Variants in AHCYL2 observed in about 807,000 individuals in gnomAD.
AHCYL2 encodes the protein adenosylhomocysteinase like 2, also known as S-adenosylhomocysteine hydrolase-like protein 2.
AHCYL2 carries 28 observed loss-of-function variants against 81.4 expected under a neutral mutation model. That is an observed-to-expected ratio of 0.34 (90% CI 0.25 to 0.47). The LOEUF (loss-of-function observed/expected upper bound fraction) is 0.47, where lower values mean the gene tolerates loss of function less well. Among genes scored for constraint, AHCYL2 ranks in the 20% least tolerant of loss-of-function variants. The pLI is 1.00. For synonymous variants in AHCYL2, 272 were observed against 290.2 expected, an observed-to-expected ratio of 0.94 and a Z score of 0.64; for missense variants, 551 against 785.1, an observed-to-expected ratio of 0.70 and a Z score of 3.56.
intron 1 of AHCYL2, among the ~76,000 whole-genome samples, chr7:129,289,076 C>T (rs1425077710): frequency 6.6e-6 from 1 of 151,882 alleles, no homozygotes; most frequent in East Asian, 1.9e-4. Flanking sequence ...GCCACCACAA[C>T]GGGCCTATTT....
At chr7:129,248,258 C>A (rs1239646973) in intron 1 of AHCYL2, among the ~76,000 whole-genome samples, 3 of 152,188 alleles carry the variant, frequency 2.0e-5, no homozygotes, top group African/African-American at 7.2e-5. Flanking sequence ...ATTGTAAGTA[C>A]AGTTATCCCT....
chr7:129,381,674 C>A (rs896994549), intron 2 of AHCYL2, among the ~76,000 whole-genome samples: 7 of 152,118 alleles, frequency 4.6e-5, no homozygotes, highest in Non-Finnish European at 1.0e-4. Context: ...CTGATAAGTT[C>A]TTATATAATC....
rs1283251472 is a variant in AHCYL2 at position 129,428,339 on chromosome 7, A to G, written c.*1294A>G. The G allele has an allele frequency of 6.7e-6, 1 of 149,852 alleles. No homozygotes were observed. The highest frequency in any genetic ancestry group is 1.5e-5 in the Non-Finnish European group (1 of 68,020). The allele number at this position is 149,852 out of a possible 1,614,324, so 9.3% of individuals were successfully genotyped here. On this transcript the variant is annotated 3_prime_UTR_variant, in exon 17 of 17. Coordinates refer to ENST00000325006, the MANE Select transcript of AHCYL2 (RefSeq NM_015328.4). ...TTTCTTGAGTAACTCCAGTGCTACA[A>G]AAAGAATTAGTAATGTGGTGTGGGC...
At chr7:129,340,558 A>G (rs1282051544) in intron 1 of AHCYL2, among the ~76,000 whole-genome samples, 2 of 143,280 alleles carry the variant, frequency 1.4e-5, no homozygotes, top group Non-Finnish European at 1.5e-5. Context: ...ACAGAGCGAG[A>G]CTCCGTCTCA....
At chr7:129,367,523 A>T (rs1009794719) in intron 1 of AHCYL2, among the ~76,000 whole-genome samples, 1 of 152,196 alleles carries the variant, frequency 6.6e-6, no homozygotes, top group African/African-American at 2.4e-5. Flanking sequence ...CTTTAAGGTG[A>T]TAGTGTACAG....
chr7:129,314,920 T>C (rs1417613738), intron 1 of AHCYL2, among the ~76,000 whole-genome samples: 1 of 152,218 alleles, frequency 6.6e-6, no homozygotes, highest in Non-Finnish European at 1.5e-5. Flanking sequence ...CTGCTTTTTT[T>C]AGCTTTATCT....
rs1025970183 is a variant in AHCYL2 at position 129,336,805 on chromosome 7, G to C, written c.364-42833G>C. On this transcript the variant is annotated intron_variant, in intron 1 of 16. Coordinates refer to ENST00000325006, the MANE Select transcript of AHCYL2 (RefSeq NM_015328.4). The stretch of plus-strand genomic sequence containing the variant: ...ACTGTCACCCAGGCTGGAGTGCAGT[G>C]GCACGATCACAGCTCACTGTAGCCG... Among the ~76,000 whole-genome samples, 32 of 152,208 alleles carry C rather than the reference G, an allele frequency of 2.1e-4. 1 individual carries two copies. Among genetic ancestry groups the C allele is most frequent in the African/African-American group, 6.7e-4 (28 of 41,532 alleles).
intron 1 of AHCYL2, among the ~76,000 whole-genome samples, chr7:129,321,766 G>GTTTT (rs1315391980): frequency 1.4e-4 from 15 of 107,460 alleles, no homozygotes; most frequent in South Asian, 3.2e-4. Context: ...TTTTTTTTTG[G>GTTTT]TCTTGGTTTT....
intron 1 of AHCYL2, among the ~76,000 whole-genome samples, chr7:129,232,290 T>C (rs1285742953): frequency 6.6e-6 from 1 of 152,238 alleles, no homozygotes; most frequent in Non-Finnish European, 1.5e-5. Context: ...CTTTATCAGA[T>C]GTGTAGTACT....
At chr7:129,372,916 G>T (rs1345048808) in intron 1 of AHCYL2, among the ~76,000 whole-genome samples, 1 of 152,122 alleles carries the variant, frequency 6.6e-6, no homozygotes, top group Non-Finnish European at 1.5e-5. Flanking sequence ...CATGGTTATA[G>T]CCATGATAGG....
chr7:129,349,922 CTTGA>C (rs1269010496), intron 1 of AHCYL2, among the ~76,000 whole-genome samples: 2 of 152,152 alleles, frequency 1.3e-5, no homozygotes, highest in African/African-American at 4.8e-5. Flanking sequence ...TTATCTGTTA[CTTGA>C]TTGAAGTCCA....
intron 1 of AHCYL2, among the ~76,000 whole-genome samples, chr7:129,332,111 T>G (rs1171911596): frequency 6.6e-6 from 1 of 152,122 alleles, no homozygotes; most frequent in Non-Finnish European, 1.5e-5. Context: ...AAAAAAGTTA[T>G]AAGATGATAT....
At chr7:129,308,896 A>G (rs1428054078) in intron 1 of AHCYL2, among the ~76,000 whole-genome samples, 1 of 152,090 alleles carries the variant, frequency 6.6e-6, no homozygotes, top group Non-Finnish European at 1.5e-5. Context: ...TTCTTAGTCT[A>G]TTTTGGAAGA....
chr7:129,283,384 A>C (rs984857501), intron 1 of AHCYL2: 2 of 455,854 alleles, frequency 4.4e-6, no homozygotes, highest in African/African-American at 2.0e-5. Context: ...CCATCATTTC[A>C]TGTATTTTCT....
In AHCYL2 at chr7:129,225,255, C is replaced by T. The variant is rs1255040878; in HGVS notation, c.179C>T (p.Pro60Leu). 3.4e-6 allele frequency: 5 copies of T among 1,457,310 alleles called. No homozygotes were observed. Among genetic ancestry groups the T allele is most frequent in the Non-Finnish European group, 3.6e-6 (4 of 1,113,966 alleles). 90.3% of individuals were successfully genotyped at this position (1,457,310 alleles called of 1,614,324 possible). A position where few individuals can be genotyped will look rare whatever the true frequency, so the allele number is the denominator to read the frequency against. The change falls in exon 1 of 17, where the codon CCC becomes CTC. Residue 60 changes from proline to leucine, a missense_variant. Pro to Leu is a moderately conservative substitution (Grantham distance 98, BLOSUM62 -3). Around this residue, in one of 2 missense-constraint regions of AHCYL2, gnomAD observed 235 missense variants for 242.1 expected, o/e 0.97. Transcript: ENST00000325006. ...PEAPAPAAERPPVPGPGSGPA... is the reference protein window; with the variant it reads ...PEAPAPAAERLPVPGPGSGPA... ...GCTCCAGCTCCCGCCGCGGAGCGGC[C>T]CCCGGTCCCCGGCCCGGGCTCGGGG... is the stretch of plus-strand genomic sequence containing the variant.
intron 2 of AHCYL2, among the ~76,000 whole-genome samples, chr7:129,386,570 T>G (rs1795214455): frequency 6.6e-6 from 1 of 152,194 alleles, no homozygotes; most frequent in Admixed American, 6.5e-5. Flanking sequence ...TAAAACACTG[T>G]TTTTTCCAGG....
chr7:129,324,416 T>C (rs1012250681), intron 1 of AHCYL2, among the ~76,000 whole-genome samples: 2 of 152,154 alleles, frequency 1.3e-5, no homozygotes, highest in African/African-American at 4.8e-5. Context: ...TTGTTTTCTA[T>C]TTTTCCCACC....
At chr7:129,227,444 A>G (rs1794264715) in intron 1 of AHCYL2, among the ~76,000 whole-genome samples, 1 of 135,766 alleles carries the variant, frequency 7.4e-6, no homozygotes, top group Admixed American at 7.9e-5. Flanking sequence ...AACATGGTGA[A>G]AACCTCTCTC....
intron 2 of AHCYL2, among the ~76,000 whole-genome samples, chr7:129,380,119 C>A (rs1794888293): frequency 6.6e-6 from 1 of 151,822 alleles, no homozygotes; most frequent in African/African-American, 2.4e-5. Flanking sequence ...TTCATCCCTC[C>A]ATCTGGTACT....
Sources: allele counts gnomAD v4.1 joint callset (sites outside exome capture counted in the v4.1 genomes callset), GRCh38; gene constraint gnomAD v4.1.1; regional missense constraint gnomAD v4.1.1; transcripts MANE v1.5; gene names NCBI Gene and HGNC (gene_info 2026-07-23, HGNC 2026-07-21).